ZDHHC14: variants seen among roughly 807,000 people sequenced by gnomAD.
ZDHHC14 encodes the protein zDHHC palmitoyltransferase 14.
Under a neutral mutation model 47.7 loss-of-function variants are expected in ZDHHC14, and 16 were observed. That is an observed-to-expected ratio of 0.34 (90% confidence interval 0.23 to 0.51). The LOEUF (loss-of-function observed/expected upper bound fraction) is 0.51, where lower values mean the gene tolerates loss of function less well. Among genes scored for constraint, ZDHHC14 ranks in the 20% least tolerant of loss-of-function variants. ZDHHC14 has a pLI of 0.97. For synonymous variants in ZDHHC14, 293 were observed against 278.9 expected (o/e 1.05, Z -0.50); for missense variants, 515 against 662.5 (o/e 0.78, Z 2.44).
At chr6:157,434,116 C>T (rs1168450929) in intron 1 of ZDHHC14, among the ~76,000 whole-genome samples, 3 of 151,836 alleles carry the variant, frequency 2.0e-5, no homozygotes, top group Admixed American at 6.6e-5. Context: ...ATTACATAAC[C>T]GCCAACAACA....
chr6:157,513,860 T>C (rs1780585240), intron 1 of ZDHHC14, among the ~76,000 whole-genome samples: 1 of 152,180 alleles, frequency 6.6e-6, no homozygotes, highest in Non-Finnish European at 1.5e-5. Context: ...TCATGAAACC[T>C]GAAAGGAACT....
intron 3 of ZDHHC14, among the ~76,000 whole-genome samples, chr6:157,619,946 A>G (rs1266856230): frequency 6.6e-6 from 1 of 152,232 alleles, no homozygotes; most frequent in Non-Finnish European, 1.5e-5. Flanking sequence ...ACACAGAATT[A>G]GTTAATATGA....
At chr6:157,599,567 C>G (rs1241160944) in intron 3 of ZDHHC14, among the ~76,000 whole-genome samples, 1 of 152,152 alleles carries the variant, frequency 6.6e-6, no homozygotes, top group Non-Finnish European at 1.5e-5. Flanking sequence ...TGGGGTTCTC[C>G]CCAAACAGGA....
chr6:157,655,613 A>G (rs531985425), intron 8 of ZDHHC14, among the ~76,000 whole-genome samples: 1 of 152,286 alleles, frequency 6.6e-6, no homozygotes, highest in East Asian at 1.9e-4. Flanking sequence ...CTCTCATTCA[A>G]TCAGCCACTC....
rs188416152 is a variant in ZDHHC14, at chr6:157,622,071, C to T, written c.566-6278C>T. On this transcript the variant is annotated intron_variant, in intron 3 of 8. Transcript: ENST00000359775. ...TCAGTAACTGGTAGCTTTCCTTAATCCTTAATAATATTCTTTTCGGCTGGG... is the reference window on the plus strand; with the variant it reads ...TCAGTAACTGGTAGCTTTCCTTAATTCTTAATAATATTCTTTTCGGCTGGG... Among the ~76,000 whole-genome samples the T allele has an allele frequency of 2.3e-3, 350 of 152,140 alleles. 3 individuals carry two copies. The highest frequency in any genetic ancestry group is 7.3e-3 in the African/African-American group (303 of 41,506).
At chr6:157,652,217 T>A (rs1437353713) in intron 7 of ZDHHC14, among the ~76,000 whole-genome samples, 1 of 152,134 alleles carries the variant, frequency 6.6e-6, no homozygotes, top group Non-Finnish European at 1.5e-5. Context: ...AAGTGGTTTT[T>A]CTGGCTTATT....
At chr6:157,632,105 C>T (rs978580764) in intron 4 of ZDHHC14, 1 of 152,358 alleles carries the variant, frequency 6.6e-6, no homozygotes, top group African/African-American at 2.4e-5. Flanking sequence ...ACAGGGACAC[C>T]ATAGCACCCG....
chr6:157,572,458 A>G (rs1007354275), intron 2 of ZDHHC14, among the ~76,000 whole-genome samples: 12 of 152,222 alleles, frequency 7.9e-5, no homozygotes, highest in African/African-American at 2.2e-4. Context: ...TCCCTAGAGT[A>G]CAAGCCACAA....
At chr6:157,556,253 G>A (rs1337731504) in intron 2 of ZDHHC14, among the ~76,000 whole-genome samples, 3 of 151,962 alleles carry the variant, frequency 2.0e-5, no homozygotes, top group African/African-American at 4.8e-5. Context: ...GGACAGGGGT[G>A]GGGGGTGGAG....
intron 2 of ZDHHC14, among the ~76,000 whole-genome samples, chr6:157,545,798 G>A (rs1781947656): frequency 6.6e-6 from 1 of 152,174 alleles, no homozygotes; most frequent in Non-Finnish European, 1.5e-5. Context: ...TTGAATCCTG[G>A]CTCACCCTTT....
intron 2 of ZDHHC14, among the ~76,000 whole-genome samples, chr6:157,584,937 G>A (rs1275007738): frequency 6.6e-6 from 1 of 152,166 alleles, no homozygotes; most frequent in Non-Finnish European, 1.5e-5. Flanking sequence ...GGGCACGGTG[G>A]CTCATGGCTG....
intron 1 of ZDHHC14, among the ~76,000 whole-genome samples, chr6:157,506,211 T>C (rs1780323320): frequency 6.6e-6 from 1 of 152,252 alleles, no homozygotes; most frequent in Non-Finnish European, 1.5e-5. Context: ...CCATGTCTCA[T>C]TCACAACCTA....
intron 2 of ZDHHC14, among the ~76,000 whole-genome samples, chr6:157,558,623 G>C (rs1307616004): frequency 6.6e-6 from 1 of 152,102 alleles, no homozygotes; most frequent in Non-Finnish European, 1.5e-5. Flanking sequence ...ACTCAGAATT[G>C]TGTTTTTGGT....
intron 2 of ZDHHC14, among the ~76,000 whole-genome samples, chr6:157,570,328 T>C (rs1440663307): frequency 6.6e-6 from 1 of 152,246 alleles, no homozygotes; most frequent in Non-Finnish European, 1.5e-5. Flanking sequence ...CTTACAATAA[T>C]GCAAACACTG....
At chr6:157,397,159 G>A (rs1459918472) in intron 1 of ZDHHC14, among the ~76,000 whole-genome samples, 1 of 152,208 alleles carries the variant, frequency 6.6e-6, no homozygotes, top group Non-Finnish European at 1.5e-5. Flanking sequence ...AAGCTTCCCT[G>A]AATGGGAGCC....
chr6:157,490,530 T>C (rs1779888940), intron 1 of ZDHHC14, among the ~76,000 whole-genome samples: 1 of 152,188 alleles, frequency 6.6e-6, no homozygotes, highest in Non-Finnish European at 1.5e-5. Context: ...ATCTAGAAAA[T>C]TCTTAAGGCA....
At chr6:157,468,805 A>G (rs1418746206) in intron 1 of ZDHHC14, among the ~76,000 whole-genome samples, 2 of 152,220 alleles carry the variant, frequency 1.3e-5, no homozygotes, top group Non-Finnish European at 2.9e-5. Context: ...CTTACTGTTA[A>G]TTAGTCCAGC....
At chr6:157,658,919 G>T (rs1778224825) in intron 8 of ZDHHC14, among the ~76,000 whole-genome samples, 1 of 152,168 alleles carries the variant, frequency 6.6e-6, no homozygotes, top group Non-Finnish European at 1.5e-5. Flanking sequence ...GGGACAATTT[G>T]CCAGGAAAGC....
chr6:157,570,768 CACAT>C (rs200321685), intron 2 of ZDHHC14, among the ~76,000 whole-genome samples: 19 of 141,910 alleles, frequency 1.3e-4, no homozygotes, highest in South Asian at 1.1e-3. Flanking sequence ...CACACACACA[CACAT>C]ATATATATAC....
Sources: gnomAD v4.1 joint callset for allele counts (sites outside exome capture counted in the v4.1 genomes callset) on GRCh38, gnomAD v4.1.1 for gene constraint, MANE v1.5 for transcripts, NCBI Gene and HGNC (gene_info 2026-07-23, HGNC 2026-07-21) for gene names.